The following MYRIP variants were observed in gnomAD, a reference collection of about 807,000 sequenced individuals.
MYRIP encodes myosin VIIA and Rab interacting protein, also known as rab effector MyRIP.
A neutral mutation model predicts 98.0 loss-of-function variants in MYRIP; 49 were observed. The observed-to-expected ratio is 0.50, with a 90% CI of 0.40 to 0.63. MYRIP has a LOEUF of 0.63. MYRIP is among the 30% of genes least tolerant of loss of function. MYRIP has a pLI of 0.00. For synonymous variants in MYRIP, 404 were observed against 409.5 expected, an observed-to-expected ratio of 0.99 and a Z score of 0.16; for missense variants, 1,004 against 1,058.2, an observed-to-expected ratio of 0.95 and a Z score of 0.71.
At chr3:40,212,182 G>A (rs56350829) in intron 11 of MYRIP, among the ~76,000 whole-genome samples, 2 of 16,946 alleles carry the variant, frequency 1.2e-4, no homozygotes, top group Admixed American at 1.3e-3. Flanking sequence ...ATATATACGT[G>A]TATGTGTATA....
At chr3:39,851,880 A>G (rs1942139379) in intron 1 of MYRIP, among the ~76,000 whole-genome samples, 1 of 152,198 alleles carries the variant, frequency 6.6e-6, no homozygotes, top group East Asian at 1.9e-4. Flanking sequence ...GTAGAAAGGA[A>G]GGTTCTCTGC....
intron 1 of MYRIP, among the ~76,000 whole-genome samples, chr3:39,884,194 A>G (rs1038184296): frequency 2.0e-5 from 3 of 152,148 alleles, no homozygotes; most frequent in Admixed American, 2.0e-4. Flanking sequence ...AGGAAACAGC[A>G]TCTACTTAGA....
chr3:40,107,799 C>T (rs1949077624), intron 3 of MYRIP, among the ~76,000 whole-genome samples: 1 of 152,034 alleles, frequency 6.6e-6, no homozygotes, highest in Admixed American at 6.6e-5. Flanking sequence ...CATTTTAAGT[C>T]AGAATTGACA....
intron 2 of MYRIP, among the ~76,000 whole-genome samples, chr3:39,942,725 C>G (rs1301502423): frequency 1.3e-5 from 2 of 152,016 alleles, no homozygotes; most frequent in Non-Finnish European, 1.5e-5. Flanking sequence ...TATAGTCACC[C>G]TATTGATCTA....
At chr3:40,216,472 C>A (rs968542315) in intron 11 of MYRIP, among the ~76,000 whole-genome samples, 1 of 152,072 alleles carries the variant, frequency 6.6e-6, no homozygotes, top group African/African-American at 2.4e-5. Context: ...ACATGTACAC[C>A]CGTTTCTCCT....
At chr3:40,038,993 C>T (rs1369671706) in intron 2 of MYRIP, among the ~76,000 whole-genome samples, 1 of 152,150 alleles carries the variant, frequency 6.6e-6, no homozygotes, top group Non-Finnish European at 1.5e-5. Context: ...TGTCCAGTGA[C>T]AGGGCCAATG....
chr3:40,012,043 C>T (rs926068303), intron 2 of MYRIP, among the ~76,000 whole-genome samples: 2 of 152,074 alleles, frequency 1.3e-5, no homozygotes, highest in African/African-American at 2.4e-5. Flanking sequence ...ATTTGAAACC[C>T]GGATTTACAG....
At chr3:40,199,316 C>G (rs1269043375) in intron 10 of MYRIP, among the ~76,000 whole-genome samples, 1 of 152,162 alleles carries the variant, frequency 6.6e-6, no homozygotes, top group East Asian at 1.9e-4. Context: ...ACAGCAGGCA[C>G]TGTTCAATTA....
At chr3:40,172,308 A>G (rs977856832) in intron 8 of MYRIP, among the ~76,000 whole-genome samples, 4 of 152,134 alleles carry the variant, frequency 2.6e-5, no homozygotes, top group Admixed American at 6.5e-5. Flanking sequence ...TCGGTTAGGG[A>G]GCTGTCAGGG....
At chr3:40,081,389 G>A (rs1234746138) in intron 3 of MYRIP, among the ~76,000 whole-genome samples, 2 of 152,110 alleles carry the variant, frequency 1.3e-5, no homozygotes, top group Admixed American at 6.5e-5. Flanking sequence ...GTCTGTTTAT[G>A]CTTTATGCAT....
chr3:39,845,675 G>A (rs772175600), intron 1 of MYRIP, among the ~76,000 whole-genome samples: 17 of 151,970 alleles, frequency 1.1e-4, no homozygotes, highest in Non-Finnish European at 2.4e-4. Context: ...ACAAATAAAT[G>A]CCATCTATCT....
intron 2 of MYRIP, among the ~76,000 whole-genome samples, chr3:39,922,288 T>G (rs753914448): frequency 7.9e-5 from 12 of 152,150 alleles, no homozygotes; most frequent in African/African-American, 1.2e-4. Context: ...AGACAGACAA[T>G]TTTTACATGA....
At chr3:39,850,563 C>T (rs1452743710) in intron 1 of MYRIP, among the ~76,000 whole-genome samples, 1 of 151,302 alleles carries the variant, frequency 6.6e-6, no homozygotes, top group Non-Finnish European at 1.5e-5. Flanking sequence ...TGTAAATATT[C>T]TCCTTAAAAA....
chr3:40,120,487 G>A (rs1016668549), intron 3 of MYRIP, among the ~76,000 whole-genome samples: 2 of 152,190 alleles, frequency 1.3e-5, no homozygotes, highest in African/African-American at 4.8e-5. Flanking sequence ...ACATCGGTGA[G>A]GCAGCATTCG....
At chr3:39,851,914 G>A (rs948054832) in intron 1 of MYRIP, among the ~76,000 whole-genome samples, 1 of 152,036 alleles carries the variant, frequency 6.6e-6, no homozygotes. Context: ...AGCTGGTCAG[G>A]CTTCTCCTGC....
intron 2 of MYRIP, among the ~76,000 whole-genome samples, chr3:39,971,315 G>A (rs924379967): frequency 6.6e-6 from 1 of 152,014 alleles, no homozygotes; most frequent in Non-Finnish European, 1.5e-5. Context: ...AGGGAGGGCA[G>A]AGAGCTCTCA....
chr3:40,102,303 A>G (rs1799429), intron 3 of MYRIP, among the ~76,000 whole-genome samples: 65,260 of 152,044 alleles, frequency 0.43, 14,625 homozygotes, highest in Admixed American at 0.53. Context: ...ATCTGCCTGC[A>G]TTCTCACTTC....
chr3:39,959,129 A>ACT (rs1945253143), intron 2 of MYRIP, among the ~76,000 whole-genome samples: 1 of 152,220 alleles, frequency 6.6e-6, no homozygotes, highest in African/African-American at 2.4e-5. Flanking sequence ...CGATTCCTCA[A>ACT]GGACCTAGAA....
intron 1 of MYRIP, among the ~76,000 whole-genome samples, chr3:39,826,246 A>G (rs1371376557): frequency 6.6e-6 from 1 of 151,944 alleles, no homozygotes; most frequent in Non-Finnish European, 1.5e-5. Flanking sequence ...TTCTTGAGAT[A>G]CATCGTTAGG....
Sources: allele counts gnomAD v4.1 joint callset (sites outside exome capture counted in the v4.1 genomes callset), GRCh38; gene constraint gnomAD v4.1.1; transcripts MANE v1.5; gene names NCBI Gene and HGNC (gene_info 2026-07-23, HGNC 2026-07-21).